WDR7: variants seen among roughly 807,000 people sequenced by gnomAD.
WDR7 encodes WD repeat domain 7.
In WDR7, 46 loss-of-function variants were observed where a neutral mutation model predicts 169.4. The ratio of observed to expected loss-of-function variants is 0.27; its 90% CI spans 0.21 to 0.35. The LOEUF (loss-of-function observed/expected upper bound fraction) is 0.35. Ranked by LOEUF, WDR7 falls within the 10% of genes least tolerant of loss-of-function variation. The pLI is 1.00. For missense variants in WDR7, 1,534 were observed against 1,859.3 expected (o/e 0.83, Z 3.22); for synonymous variants, 612 against 666.8 (o/e 0.92, Z 1.27).
intron 2 of WDR7, among the ~76,000 whole-genome samples, chr18:56,674,619 T>G (rs1482537208): frequency 6.6e-6 from 1 of 152,194 alleles, no homozygotes; most frequent in Non-Finnish European, 1.5e-5. Context: ...ATTTTATCAG[T>G]TGTTTTTTCA....
At chr18:56,775,570 TAAGG>T (rs1230714022) in intron 16 of WDR7, among the ~76,000 whole-genome samples, 4 of 152,276 alleles carry the variant, frequency 2.6e-5, no homozygotes, top group Middle Eastern at 3.4e-3. Flanking sequence ...TTTAATTTCA[TAAGG>T]AACAAAAATC....
At chr18:56,910,678 T>C (rs1345417015) in intron 21 of WDR7, among the ~76,000 whole-genome samples, 1 of 152,220 alleles carries the variant, frequency 6.6e-6, no homozygotes, top group Admixed American at 6.6e-5. Flanking sequence ...GGTAATCTCA[T>C]GTAAACATAT....
intron 1 of WDR7, among the ~76,000 whole-genome samples, chr18:56,668,013 T>A (rs1006359663): frequency 5.3e-5 from 8 of 152,188 alleles, no homozygotes; most frequent in Non-Finnish European, 1.2e-4. Flanking sequence ...GTGATAAATT[T>A]AAGCACCACC....
At position 56,739,759 on chromosome 18, in the gene WDR7, G is replaced by T. The variant is rs59162900; in HGVS notation, c.1989+8162G>T. The stretch of plus-strand genomic sequence containing the variant: ...TATCTTCTCATTTCCATCTTTTTTT[G>T]GGGGGGGGAATAAGCTATCATTCTT... On this transcript the variant is annotated intron_variant, in intron 14 of 27. Transcript: ENST00000254442. 2.0e-3 allele frequency among the ~76,000 whole-genome samples: 285 copies of T among 140,144 alleles called. 1 individual carries two copies. Among genetic ancestry groups the T allele is most frequent in the Non-Finnish European group, 2.7e-3 (181 of 67,164 alleles). 91.9% of individuals were successfully genotyped at this position (140,144 alleles called of 152,430 possible).
At chr18:56,936,856 A>G (rs1241144095) in intron 23 of WDR7, among the ~76,000 whole-genome samples, 1 of 152,210 alleles carries the variant, frequency 6.6e-6, no homozygotes, top group African/African-American at 2.4e-5. Flanking sequence ...GCATAATGTT[A>G]TAGTAAGGTT....
At chr18:56,722,704 G>T (rs1203977591) in intron 13 of WDR7, among the ~76,000 whole-genome samples, 1 of 151,976 alleles carries the variant, frequency 6.6e-6, no homozygotes, top group African/African-American at 2.4e-5. Flanking sequence ...CTTTTTGAAG[G>T]AAGGGGTTGT....
rs552012052 is a variant in WDR7, at chr18:56,870,177, A to G, written c.3305-9767A>G. Among the ~76,000 whole-genome samples the G allele has an allele frequency of 2.6e-4, 39 of 152,324 alleles. No individual in the cohort carries two copies. In the South Asian group the frequency reaches 7.1e-3, roughly 28 times the overall value. Reference sequence around the variant, plus strand: ...TAAAGCCAAAGTGTTTTAAAAATGAATATTAACAGATTTTTGTTTGTTTTT... The same window carrying G: ...TAAAGCCAAAGTGTTTTAAAAATGAGTATTAACAGATTTTTGTTTGTTTTT... On this transcript the variant is annotated intron_variant, in intron 20 of 27. Coordinates refer to ENST00000254442, the MANE Select transcript of WDR7 (RefSeq NM_015285.3).
intron 26 of WDR7, among the ~76,000 whole-genome samples, chr18:56,991,005 C>T (rs532574947): frequency 6.6e-6 from 1 of 152,316 alleles, no homozygotes; most frequent in East Asian, 1.9e-4. Flanking sequence ...ATTCTCATTC[C>T]ATTCAGTTCC....
At chr18:57,019,651 C>T (rs2048259134) in intron 26 of WDR7, among the ~76,000 whole-genome samples, 2 of 152,170 alleles carry the variant, frequency 1.3e-5, no homozygotes, top group Non-Finnish European at 2.9e-5. Flanking sequence ...TTTCCCTCTT[C>T]TTCTTCATCT....
intron 12 of WDR7, among the ~76,000 whole-genome samples, chr18:56,705,031 C>G (rs1478814305): frequency 6.6e-6 from 1 of 152,072 alleles, no homozygotes; most frequent in African/African-American, 2.4e-5. Context: ...TGAAGTCTTG[C>G]TATGTTGCCC....
rs547111577 is a variant in WDR7 at position 56,934,400 on chromosome 18, A to G, written c.3714-1388A>G. ...GGACCCAAGAGCATCGGGCTCTTCCATGGCAGGGAGGTGGGGAGATGCCCA... is the reference window on the plus strand; with the variant it reads ...GGACCCAAGAGCATCGGGCTCTTCCGTGGCAGGGAGGTGGGGAGATGCCCA... On this transcript the variant is annotated intron_variant, in intron 22 of 27. Coordinates refer to ENST00000254442, the MANE Select transcript of WDR7 (RefSeq NM_015285.3). 9.4e-4 allele frequency among the ~76,000 whole-genome samples: 143 copies of G among 152,056 alleles called. 1 individual carries two copies. Among genetic ancestry groups the G allele is most frequent in the Non-Finnish European group, 1.7e-3 (114 of 67,986 alleles).
At position 56,776,802 on chromosome 18, in the gene WDR7, G is replaced by A. The variant is rs567791994; in HGVS notation, c.2869G>A (p.Ala957Thr). 31 of 1,613,380 alleles carry A rather than the reference G, an allele frequency of 1.9e-5. No homozygotes were observed. The highest frequency in any genetic ancestry group is 1.7e-4 in the Middle Eastern group (1 of 6,060). ...GCAAGTTGCTGCACCTGTCGTTTCC[G>A]CTCGGTCTGATGCTGATCACTCTGG... is the stretch of plus-strand genomic sequence containing the variant. ...IKQVAAPVVS[A>T]RSDADHSGSD... The change falls in exon 17 of 28, where the codon GCT (alanine) becomes ACT (threonine). Residue 957 changes from alanine to threonine, a missense_variant. Ala to Thr is a moderately conservative substitution (Grantham distance 58). Transcript: ENST00000254442.
At chr18:56,926,965 A>T (rs536572527) in intron 22 of WDR7, among the ~76,000 whole-genome samples, 4 of 152,098 alleles carry the variant, frequency 2.6e-5, no homozygotes, top group Admixed American at 2.6e-4. Flanking sequence ...TTTGTGCCTG[A>T]TTTACTGTGT....
At chr18:56,680,849 C>T (rs1470622284) in intron 3 of WDR7, among the ~76,000 whole-genome samples, 1 of 152,174 alleles carries the variant, frequency 6.6e-6, no homozygotes, top group African/African-American at 2.4e-5. Flanking sequence ...TATAAAATCT[C>T]AGTAGTTTAA....
chr18:56,966,377 C>T (rs1395391672), intron 26 of WDR7, among the ~76,000 whole-genome samples: 2 of 152,080 alleles, frequency 1.3e-5, no homozygotes, highest in South Asian at 2.1e-4. Flanking sequence ...TCTTCATCCT[C>T]CTCCTCTGCC....
At chr18:56,910,142 G>A (rs1390288982) in intron 21 of WDR7, among the ~76,000 whole-genome samples, 3 of 152,054 alleles carry the variant, frequency 2.0e-5, no homozygotes, top group African/African-American at 4.8e-5. Flanking sequence ...TTCTTCCTTT[G>A]TAAAAGAAAA....
intron 19 of WDR7, among the ~76,000 whole-genome samples, chr18:56,795,050 C>T (rs537852652): frequency 3.9e-5 from 6 of 152,302 alleles, no homozygotes; most frequent in Non-Finnish European, 8.8e-5. Context: ...ACCCTGGCTA[C>T]ACTTCAGAAA....
At chr18:56,752,469 C>T (rs1039356383) in intron 14 of WDR7, among the ~76,000 whole-genome samples, 1 of 152,138 alleles carries the variant, frequency 6.6e-6, no homozygotes, top group African/African-American at 2.4e-5. Flanking sequence ...ATTCATCCAA[C>T]ATTATAATAA....
chr18:57,025,999 A>G (rs565744939), intron 27 of WDR7, among the ~76,000 whole-genome samples: 1 of 152,370 alleles, frequency 6.6e-6, no homozygotes, highest in African/African-American at 2.4e-5. Context: ...GAAAATTAGT[A>G]CAAAGAAAAA....
Sources: gnomAD v4.1 joint callset for allele counts (sites outside exome capture counted in the v4.1 genomes callset) on GRCh38, gnomAD v4.1.1 for gene constraint, MANE v1.5 for transcripts, NCBI Gene and HGNC (gene_info 2026-07-23, HGNC 2026-07-21) for gene names.